SPTBN1: variants seen among roughly 807,000 people sequenced by gnomAD.
The protein encoded by SPTBN1 is spectrin beta chain, non-erythrocytic 1.
Under a neutral mutation model 266.4 loss-of-function variants are expected in SPTBN1, and 32 were observed. The observed-to-expected ratio is 0.12, with a 90% CI of 0.09 to 0.16. The LOEUF is 0.16. Among genes scored for constraint, SPTBN1 ranks in the 10% least tolerant of loss-of-function variants. The pLI, the probability that SPTBN1 is intolerant of heterozygous loss-of-function variation, is 1.00. For missense variants in SPTBN1, 2,296 were observed against 3,067.1 expected (o/e 0.75, Z 5.94); for synonymous variants, 1,336 against 1,162.2 (o/e 1.15, Z -3.04).
chr2:54,597,772 C>A, intron 2 of SPTBN1, among the ~76,000 whole-genome samples: 1 of 151,850 alleles, frequency 6.6e-6, no homozygotes, highest in South Asian at 2.1e-4. Flanking sequence ...TACTCTCAGG[C>A]GACTGGGCAC....
Position 54,474,753 on chromosome 2 carries a change from G to A in SPTBN1, c.-48+18235G>A, listed in dbSNP as rs555737955. 3.9e-5 allele frequency among the ~76,000 whole-genome samples: 6 copies of A among 152,290 alleles called. No individual in the cohort carries two copies. In the East Asian group the frequency reaches 1.2e-3, roughly 29 times the overall value. On this transcript the variant is annotated intron_variant, in intron 1 of 35. Coordinates refer to ENST00000356805, the MANE Select transcript of SPTBN1 (RefSeq NM_003128.3). Reference sequence around the variant, plus strand: ...ATACTACAAATATTAAGGTTTTTGGGGGAGGGGAGAATGGATGAGATTCCT... The same window carrying A: ...ATACTACAAATATTAAGGTTTTTGGAGGAGGGGAGAATGGATGAGATTCCT...
At chr2:54,609,654 G>C (rs1677083760) in intron 3 of SPTBN1, among the ~76,000 whole-genome samples, 1 of 151,896 alleles carries the variant, frequency 6.6e-6, no homozygotes, top group Non-Finnish European at 1.5e-5. Context: ...TTGTGTTTAG[G>C]GGCCAGTAGA....
At chr2:54,529,123 C>CA (rs1403226220) in intron 2 of SPTBN1, among the ~76,000 whole-genome samples, 3 of 152,176 alleles carry the variant, frequency 2.0e-5, no homozygotes, top group Non-Finnish European at 4.4e-5. Context: ...GATGCTGATT[C>CA]AGTAGGCCTT....
intron 19 of SPTBN1, among the ~76,000 whole-genome samples, chr2:54,643,518 C>CT (rs1216580764): frequency 1.3e-5 from 2 of 152,132 alleles, no homozygotes; most frequent in Middle Eastern, 3.4e-3. Context: ...TTTAAAATTG[C>CT]TTTTTCCTAT....
At chr2:54,582,034 A>T (rs1674949046) in intron 2 of SPTBN1, among the ~76,000 whole-genome samples, 1 of 152,046 alleles carries the variant, frequency 6.6e-6, no homozygotes, top group African/African-American at 2.4e-5. Flanking sequence ...TCTGGAAACC[A>T]AGGTAGAGAA....
At position 54,646,101 on chromosome 2, in the gene SPTBN1, C is replaced by G. The variant is rs910799751; in HGVS notation, c.4584+84C>G. 3 of 1,605,652 alleles carry G rather than the reference C, an allele frequency of 1.9e-6. No individual in the cohort carries two copies. Among genetic ancestry groups the G allele is most frequent in the Admixed American group, 1.7e-5 (1 of 59,166 alleles). ...CTGGGAATGGCAGAGAGCTTTGAAG[C>G]CTTGCTATTTCTTTCTGGCCCTAAC... On this transcript the variant is annotated intron_variant, in intron 22 of 35. Coordinates refer to ENST00000356805, the MANE Select transcript of SPTBN1 (RefSeq NM_003128.3). This position sits in a 1 kb window ranked among gnomAD's most constrained non-coding sequence, Gnocchi z 4.4.
At chr2:54,620,870 G>A (rs1364121587) in intron 7 of SPTBN1, among the ~76,000 whole-genome samples, 1 of 152,310 alleles carries the variant, frequency 6.6e-6, no homozygotes, top group East Asian at 1.9e-4. Context: ...GTTCACAGCT[G>A]TGCTTCTGAA....
intron 2 of SPTBN1, among the ~76,000 whole-genome samples, chr2:54,566,081 C>T (rs956975116): frequency 8.5e-5 from 13 of 152,084 alleles, no homozygotes; most frequent in African/African-American, 3.1e-4. Flanking sequence ...ATCCTAGTGC[C>T]TTTTCTCTCT....
At chr2:54,456,735 G>C (rs1693052381) in intron 1 of SPTBN1, among the ~76,000 whole-genome samples, 1 of 150,434 alleles carries the variant, frequency 6.6e-6, no homozygotes. Flanking sequence ...GTGCTCATTG[G>C]TACTCGGATG....
chr2:54,563,669 T>C (rs1673479801), intron 2 of SPTBN1, among the ~76,000 whole-genome samples: 1 of 138,204 alleles, frequency 7.2e-6, no homozygotes, highest in African/African-American at 2.7e-5. Context: ...AGTGGCGCGA[T>C]CTCGGCTCAC....
intron 2 of SPTBN1, among the ~76,000 whole-genome samples, chr2:54,546,236 G>T (rs936817094): frequency 1.3e-5 from 2 of 152,100 alleles, no homozygotes; most frequent in African/African-American, 4.8e-5. Context: ...CCTTATTATG[G>T]CAAAATTATT....
rs1280283325 is a variant in SPTBN1 at position 54,628,721 on chromosome 2, C to T, written c.1799-212C>T. ...GATGATCACTTTGTCTGCGGTTTGG[C>T]CAAAAAAAAATAATGTTTATCATTG... On this transcript the variant is annotated intron_variant, in intron 13 of 35. Coordinates refer to ENST00000356805, the MANE Select transcript of SPTBN1 (RefSeq NM_003128.3). The surrounding 1 kb of genome is among the most constrained non-coding windows in gnomAD (Gnocchi z 4.3). Among the ~76,000 whole-genome samples, 1 of 151,738 alleles carries T rather than the reference C, an allele frequency of 6.6e-6. No homozygotes were observed. Among genetic ancestry groups the T allele is most frequent in the Non-Finnish European group, 1.5e-5 (1 of 67,950 alleles).
chr2:54,647,370 T>A, intron 24 of SPTBN1, 109 bp downstream of exon 24: 1 of 1,459,968 alleles, frequency 6.8e-7, no homozygotes, highest in Non-Finnish European at 9.2e-7. Context: ...GACTTGCTGG[T>A]AAGGCAAATC....
At chr2:54,576,558 G>A (rs1051733345) in intron 2 of SPTBN1, among the ~76,000 whole-genome samples, 2 of 152,016 alleles carry the variant, frequency 1.3e-5, no homozygotes, top group African/African-American at 2.4e-5. Flanking sequence ...TTGCTTATAC[G>A]CTCTAGTTGA....
chr2:54,632,153 G>T (rs1201286142), intron 16 of SPTBN1, among the ~76,000 whole-genome samples: 1 of 151,126 alleles, frequency 6.6e-6, no homozygotes, highest in Non-Finnish European at 1.5e-5. Context: ...TGCTCTAGAA[G>T]GGTCAGGGAC....
Position 54,659,202 on chromosome 2 carries a change from A to AGGC in SPTBN1, c.6296_6298dup (p.Arg2099dup), listed in dbSNP as rs756652389. The AGGC allele has an allele frequency of 2.5e-6, 4 of 1,614,084 alleles. No homozygotes were observed. Among genetic ancestry groups the AGGC allele is most frequent in the Non-Finnish European group, 3.4e-6 (4 of 1,179,972 alleles). On this transcript the variant is annotated inframe_insertion, in exon 31 of 36. Transcript: ENST00000356805. ...ACAGCAAGAGGAAGAGGAGAGGAAG[A>AGGC]GGCGGCCGCCTTCTCCCGAGCCGAG...
intron 1 of SPTBN1, among the ~76,000 whole-genome samples, chr2:54,457,767 C>T (rs1308198150): frequency 6.6e-6 from 1 of 152,232 alleles, no homozygotes; most frequent in Non-Finnish European, 1.5e-5. Flanking sequence ...CCTGCAGCTT[C>T]TGCTGGATGT....
intron 35 of SPTBN1, among the ~76,000 whole-genome samples, chr2:54,667,995 C>T (rs1681479240): frequency 6.6e-6 from 1 of 152,190 alleles, no homozygotes; most frequent in Non-Finnish European, 1.5e-5. Context: ...GTGTGTACCT[C>T]ACCTCAAGGA....
At chr2:54,585,430 TA>T (rs57988484) in intron 2 of SPTBN1, among the ~76,000 whole-genome samples, 50,796 of 151,754 alleles carry the variant, frequency 0.33, 10,874 homozygotes, top group African/African-American at 0.62. Flanking sequence ...TGTCCTCCTC[TA>T]TTAAAACAAG....
Sources: gnomAD v4.1 joint callset for allele counts (sites outside exome capture counted in the v4.1 genomes callset) on GRCh38, gnomAD v4.1.1 for gene constraint, Gnocchi (gnomAD v3.1) non-coding constraint, MANE v1.5 for transcripts, NCBI Gene and HGNC (gene_info 2026-07-23, HGNC 2026-07-21) for gene names.